The following PADI4 variants were observed in gnomAD, a reference collection of about 807,000 sequenced individuals.
PADI4 encodes the protein peptidyl arginine deiminase 4, also known as protein-arginine deiminase type-4.
PADI4 carries 62 observed loss-of-function variants against 75.0 expected under a neutral mutation model. The observed-to-expected ratio is 0.83, with a 90% CI of 0.67 to 1.02. The LOEUF (loss-of-function observed/expected upper bound fraction) is 1.02, where lower values mean the gene tolerates loss of function less well. PADI4 is among the 50% of genes least tolerant of loss of function. The pLI is 0.00. For synonymous variants in PADI4, 361 were observed against 348.1 expected (o/e 1.04, Z -0.41); for missense variants, 845 against 850.5 (o/e 0.99, Z 0.08).
At chr1:17,355,441 C>T (rs767223585) in intron 11 of PADI4, among the ~76,000 whole-genome samples, 5 of 151,674 alleles carry the variant, frequency 3.3e-5, no homozygotes, top group African/African-American at 7.3e-5. Context: ...CCCAGCTACT[C>T]GGGAGGCCGA....
chr1:17,350,430 G>A (rs1166442161), intron 10 of PADI4, among the ~76,000 whole-genome samples: 1 of 131,132 alleles, frequency 7.6e-6, no homozygotes, highest in African/African-American at 2.5e-5. Flanking sequence ...TAAAATGAGG[G>A]ATTAGCAGGT....
chr1:17,308,274 G>T lies in PADI4; in HGVS notation c.52G>T (p.Val18Leu). The part of the protein sequence containing the change: ...RVTPEQPTHA[V>L]CVLGTLTQLD... ...GACCCCAGAGCAGCCCACCCATGCC[G>T]TGTGTGTGCTGGGCACCTTGACTCA... The change falls in exon 1 of 16, where the codon GTG becomes TTG. Residue 18 changes from valine (V) to leucine (L), a missense_variant. Physicochemically the swap from Val to Leu is conservative, Grantham distance 32 (BLOSUM62 1). Coordinates refer to ENST00000375448, the MANE Select transcript of PADI4 (RefSeq NM_012387.3). The T allele has an allele frequency of 6.2e-7, 1 of 1,614,098 alleles. No homozygotes were observed. Among genetic ancestry groups the T allele is most frequent in the South Asian group, 1.1e-5 (1 of 91,088 alleles).
At chr1:17,321,422 C>T (rs2074030858) in intron 1 of PADI4, among the ~76,000 whole-genome samples, 2 of 152,240 alleles carry the variant, frequency 1.3e-5, no homozygotes, top group African/African-American at 4.8e-5. Flanking sequence ...AGTGACTTCA[C>T]CTCTCTGTGC....
At chr1:17,345,400 G>A (rs2074496925) in intron 8 of PADI4, among the ~76,000 whole-genome samples, 1 of 152,128 alleles carries the variant, frequency 6.6e-6, no homozygotes, top group African/African-American at 2.4e-5. Context: ...AGACTTTGGG[G>A]GACTGTTGGG....
At chr1:17,337,594 A>G (rs2074337238) in intron 4 of PADI4, among the ~76,000 whole-genome samples, 1 of 152,128 alleles carries the variant, frequency 6.6e-6, no homozygotes, top group African/African-American at 2.4e-5. Context: ...ATTGATGTGG[A>G]AGCAAGATGT....
At chr1:17,323,009 G>T (rs112744434) in intron 1 of PADI4, among the ~76,000 whole-genome samples, 1 of 152,168 alleles carries the variant, frequency 6.6e-6, no homozygotes, top group Admixed American at 6.5e-5. Context: ...TCTACTTCAA[G>T]GTTTCTCATA....
rs1446064167 is a variant in PADI4, at chr1:17,308,357, A to T, written c.92+43A>T. 13 of 1,469,536 alleles carry T rather than the reference A, an allele frequency of 8.8e-6. 1 individual carries two copies. The highest frequency in any genetic ancestry group is 1.7e-4 in the Middle Eastern group (1 of 5,832). The allele number at this position is 1,469,536 out of a possible 1,614,324, so 91.0% of individuals were successfully genotyped here. On this transcript the variant is annotated intron_variant, in intron 1 of 15. Transcript: ENST00000375448. ...TGGGGTTTTGGAGGCAGGTCAGGAG[A>T]TGCTGGATGACCCAGTTCTACTGAC...
rs913651170 is a variant in PADI4, at chr1:17,339,860, C to T, written c.652+47C>T. On this transcript the variant is annotated intron_variant, in intron 6 of 15. Transcript: ENST00000375448. Reference sequence around the variant, plus strand: ...TCCCCTCCTGCCCTGGCCAACGGGGCACAATCCTGTCACACAGCTGTGTGG... The same window carrying T: ...TCCCCTCCTGCCCTGGCCAACGGGGTACAATCCTGTCACACAGCTGTGTGG... 6 of 1,545,806 alleles carry T rather than the reference C, an allele frequency of 3.9e-6. No homozygotes were observed. The African/African-American group carries it at 8.2e-5, about 21-fold the overall frequency.
chr1:17,328,529 C>T (rs144234160), intron 1 of PADI4, among the ~76,000 whole-genome samples: 1 of 152,008 alleles, frequency 6.6e-6, no homozygotes, highest in Admixed American at 6.6e-5. Flanking sequence ...CACCTGTAGT[C>T]CCTGCTACTT....
intron 3 of PADI4, 75 bp downstream of exon 3, chr1:17,334,084 A>G: frequency 1.1e-6 from 1 of 930,282 alleles, no homozygotes. Flanking sequence ...ATGTCTCTGT[A>G]GGAGAAACTA....
rs751219216 is a variant in PADI4, at chr1:17,342,076, G to A, written c.786G>A (p.Pro262=). 1.8e-5 allele frequency: 29 copies of A among 1,613,914 alleles called. No homozygotes were observed. The highest frequency in any genetic ancestry group is 1.8e-4 in the East Asian group (8 of 44,876). The change falls in exon 7 of 16, where the codon CCG becomes CCA. Residue 262 remains proline, a synonymous_variant. Transcript: ENST00000375448. The part of the protein sequence containing the change: ...EALAFPDTDF[P]GLITLTISLL... ...TCGCTTTCCCGGACACCGACTTCCC[G>A]GGGCTCATTACCCTCACCATCTCCC...
chr1:17,321,467 G>A (rs369120523), intron 1 of PADI4, among the ~76,000 whole-genome samples: 12 of 152,376 alleles, frequency 7.9e-5, no homozygotes, highest in South Asian at 4.1e-4. Context: ...AACAGTACCC[G>A]CCTTACAGGC....
At chr1:17,329,573 GT>G (rs1322517330) in intron 1 of PADI4, among the ~76,000 whole-genome samples, 1 of 152,070 alleles carries the variant, frequency 6.6e-6, no homozygotes, top group Non-Finnish European at 1.5e-5. Context: ...CTTCAGCCTC[GT>G]CTTCATGTTG....
chr1:17,342,121 G>A lies in PADI4; in HGVS notation c.831G>A (p.Leu277=), dbSNP rs1393051378. The change falls in exon 7 of 16, where the codon CTG becomes CTA. Residue 277 remains leucine, a splice_region_variant and synonymous_variant. Transcript: ENST00000375448. The part of the protein sequence containing the change: ...LTISLLDTSN[L]ELPEAVVFQD... ...TCTCCCTGCTGGACACGTCCAACCTGGTAGGCCGAGAAGGCAGCCCTGCAT... is the reference window on the plus strand; with the variant it reads ...TCTCCCTGCTGGACACGTCCAACCTAGTAGGCCGAGAAGGCAGCCCTGCAT... 3 of 1,613,422 alleles carry A rather than the reference G, an allele frequency of 1.9e-6. No homozygotes were observed. The highest frequency in any genetic ancestry group is 3.3e-5 in the Admixed American group (2 of 59,982).
In PADI4 at chr1:17,336,172, C is replaced by G. The variant is rs993490323; in HGVS notation, c.354C>G (p.Cys118Trp). Residue 118 changes from cysteine to tryptophan, a missense_variant, in exon 4 of 16, where the codon TGC becomes TGG. Coordinates refer to ENST00000375448, the MANE Select transcript of PADI4 (RefSeq NM_012387.3). ...LYLTGVEISL[C>W]ADITRTGKVK... is the part of the protein sequence containing the mutation. Reference sequence around the variant, plus strand: ...ATGGGATTTCAGAAATCTCCTTGTGCGCAGACATCACCCGCACCGGCAAAG... The same window carrying G: ...ATGGGATTTCAGAAATCTCCTTGTGGGCAGACATCACCCGCACCGGCAAAG... 1 of 1,612,518 alleles carries G rather than the reference C, an allele frequency of 6.2e-7. No individual in the cohort carries two copies. Among genetic ancestry groups the G allele is most frequent in the Non-Finnish European group, 8.5e-7 (1 of 1,178,550 alleles).
At chr1:17,311,461 G>C (rs1557534582) in intron 1 of PADI4, among the ~76,000 whole-genome samples, 1 of 152,076 alleles carries the variant, frequency 6.6e-6, no homozygotes, top group African/African-American at 2.4e-5. Flanking sequence ...CAACTGCAAA[G>C]GGCAGTGTGC....
Position 17,356,223 on chromosome 1 carries a change from C to T in PADI4, c.1455+96C>T. On this transcript the variant is annotated intron_variant, in intron 12 of 15. Transcript: ENST00000375448. This position sits in a 1 kb window ranked among gnomAD's most constrained non-coding sequence, Gnocchi z 4.1. Reference sequence around the variant, plus strand: ...CAACTTTACTTGTCTATTTCTCCTTCACCCTTAGGATGGCAGTAGAGGAGG... The same window carrying T: ...CAACTTTACTTGTCTATTTCTCCTTTACCCTTAGGATGGCAGTAGAGGAGG... 1 of 1,427,040 alleles carries T rather than the reference C, an allele frequency of 7.0e-7. No individual in the cohort carries two copies. Among genetic ancestry groups the T allele is most frequent in the Non-Finnish European group, 9.7e-7 (1 of 1,035,916 alleles). 88.4% of individuals were successfully genotyped at this position (1,427,040 alleles called of 1,614,324 possible).
intron 1 of PADI4, among the ~76,000 whole-genome samples, chr1:17,325,015 T>C (rs1297385328): frequency 1.3e-5 from 2 of 152,236 alleles, no homozygotes; most frequent in Non-Finnish European, 2.9e-5. Context: ...TCCATGGCTT[T>C]ATAGGAAGTC....
At chr1:17,316,018 G>A (rs988068594) in intron 1 of PADI4, among the ~76,000 whole-genome samples, 5 of 151,934 alleles carry the variant, frequency 3.3e-5, no homozygotes, top group South Asian at 4.2e-4. Flanking sequence ...CAGATGGCCC[G>A]GCAAAAACAA....
Sources: gnomAD v4.1 joint callset for allele counts (sites outside exome capture counted in the v4.1 genomes callset) on GRCh38, gnomAD v4.1.1 for gene constraint, Gnocchi (gnomAD v3.1) non-coding constraint, MANE v1.5 for transcripts, NCBI Gene and HGNC (gene_info 2026-07-23, HGNC 2026-07-21) for gene names.